The following SCG5 variants were observed in gnomAD, a reference collection of about 807,000 sequenced individuals.
SCG5 encodes secretogranin V.
Under a neutral mutation model 25.7 loss-of-function variants are expected in SCG5, and 18 were observed. The observed-to-expected ratio is 0.70, with a 90% CI of 0.48 to 1.04. The LOEUF (loss-of-function observed/expected upper bound fraction) is 1.04, where lower values mean the gene tolerates loss of function less well. Among genes scored for constraint, SCG5 ranks in the 50% least tolerant of loss-of-function variants. The pLI, the probability that SCG5 is intolerant of heterozygous loss-of-function variation, is 0.00. For missense variants in SCG5, 206 were observed against 259.8 expected (o/e 0.79, Z 1.42); for synonymous variants, 101 against 91.7 (o/e 1.10, Z -0.58).
At position 32,679,822 on chromosome 15, in the gene SCG5, GTGGCAGAGT is replaced by G; in HGVS notation, c.286_294del (p.Ala96_Leu98del). ...TCCTTTTGGCAACATCCCCAACATCGTGGCAGAGTTGACTGGAGACAACATTCCTAAGGA... is the reference window on the plus strand; with the variant it reads ...TCCTTTTGGCAACATCCCCAACATCGTGACTGGAGACAACATTCCTAAGGA... On this transcript the variant is annotated inframe_deletion, in exon 3 of 6. Coordinates refer to ENST00000300175, the MANE Select transcript of SCG5 (RefSeq NM_001144757.3). The G allele has an allele frequency of 6.2e-7, 1 of 1,613,914 alleles. No homozygotes were observed. Among genetic ancestry groups the G allele is most frequent in the Non-Finnish European group, 8.5e-7 (1 of 1,179,838 alleles).
At chr15:32,668,122 C>T (rs1202543907) in intron 2 of SCG5, among the ~76,000 whole-genome samples, 2 of 152,220 alleles carry the variant, frequency 1.3e-5, no homozygotes, top group Non-Finnish European at 2.9e-5. Flanking sequence ...CCAACGTACA[C>T]ACCACGTGCC....
At chr15:32,690,496 C>T (rs985513902) in intron 4 of SCG5, among the ~76,000 whole-genome samples, 7 of 152,164 alleles carry the variant, frequency 4.6e-5, no homozygotes, top group South Asian at 2.1e-4. Context: ...TTCTCCCTTC[C>T]GATATTAAAT....
In SCG5 at chr15:32,692,875, A is replaced by G. The variant is rs144029754; in HGVS notation, c.543+1112A>G. Among the ~76,000 whole-genome samples the G allele has an allele frequency of 9.1e-4, 138 of 152,330 alleles. 1 individual carries two copies. The highest frequency in any genetic ancestry group is 5.9e-4 in the Non-Finnish European group (40 of 68,036). The stretch of plus-strand genomic sequence containing the variant: ...GTTCCAAGCCCCTGTACTGCCTGAC[A>G]AAACACAGAAGACATACAGCAATTT... On this transcript the variant is annotated intron_variant, in intron 5 of 5. Transcript: ENST00000300175.
At chr15:32,696,473 A>G (rs2140625520) in intron 5 of SCG5, 41 bp from the exon 6 acceptor site, 4 of 1,413,456 alleles carry the variant, frequency 2.8e-6, no homozygotes, top group Non-Finnish European at 4.0e-6. Flanking sequence ...ATGTTCACAT[A>G]TAACACCAAA....
chr15:32,661,305 T>C (rs1470684515), intron 2 of SCG5, among the ~76,000 whole-genome samples: 1 of 152,182 alleles, frequency 6.6e-6, no homozygotes, highest in Non-Finnish European at 1.5e-5. Context: ...CCAGTGGCAT[T>C]TCCCCCATTT....
intron 2 of SCG5, among the ~76,000 whole-genome samples, chr15:32,671,859 C>T (rs971923135): frequency 6.6e-6 from 1 of 152,218 alleles, no homozygotes; most frequent in East Asian, 1.9e-4. Flanking sequence ...GGAGCCACCC[C>T]GCCCCTTCCT....
intron 2 of SCG5, among the ~76,000 whole-genome samples, chr15:32,656,523 G>A (rs1236070068): frequency 2.6e-5 from 4 of 152,228 alleles, no homozygotes; most frequent in Admixed American, 2.0e-4. Flanking sequence ...AGCTTTACGA[G>A]TTAAATGTCC....
At chr15:32,663,005 A>T (rs1430782028) in intron 2 of SCG5, among the ~76,000 whole-genome samples, 1 of 140,686 alleles carries the variant, frequency 7.1e-6, no homozygotes, top group Non-Finnish European at 1.5e-5. Flanking sequence ...AGCGGGGAAG[A>T]GAAGATTAGG....
chr15:32,673,527 CGTGTGTGTGTGTGTGT>C (rs55968956), intron 2 of SCG5, among the ~76,000 whole-genome samples: 51 of 134,944 alleles, frequency 3.8e-4, no homozygotes, highest in African/African-American at 1.4e-3. Context: ...ATAAGATCCC[CGTGTGTGTGTGTGTGT>C]GTGTGTGTGT....
intron 2 of SCG5, among the ~76,000 whole-genome samples, chr15:32,660,722 C>A (rs73371031): frequency 0.034 from 5,249 of 152,312 alleles, 352 homozygotes; most frequent in African/African-American, 0.12. Context: ...GACTGCAGGG[C>A]AGACCCCAAA....
intron 5 of SCG5, among the ~76,000 whole-genome samples, chr15:32,694,603 C>T (rs1314265522): frequency 6.6e-6 from 1 of 152,062 alleles, no homozygotes; most frequent in Non-Finnish European, 1.5e-5. Flanking sequence ...TGATATGATC[C>T]CCTGGGGTAG....
intron 2 of SCG5, among the ~76,000 whole-genome samples, chr15:32,670,629 G>A (rs1232124896): frequency 1.3e-5 from 2 of 152,192 alleles, no homozygotes; most frequent in African/African-American, 2.4e-5. Context: ...CCCATTATGG[G>A]AGACAAATTT....
intron 3 of SCG5, among the ~76,000 whole-genome samples, chr15:32,682,552 G>T (rs1399559957): frequency 6.6e-6 from 1 of 152,224 alleles, no homozygotes; most frequent in Non-Finnish European, 1.5e-5. Flanking sequence ...TGAGAGGACA[G>T]CAATCAAGCT....
At position 32,673,848 on chromosome 15, in the gene SCG5, C is replaced by T. The variant is rs2054485586; in HGVS notation, c.227-5918C>T. ...CCCCAAGTTCAAGTGATTCTCCTGC[C>T]TCAGCCTCCTGAGTAGTTGGGATTA... On this transcript the variant is annotated intron_variant, in intron 2 of 5. Transcript: ENST00000300175. Among the ~76,000 whole-genome samples the T allele has an allele frequency of 2.0e-5, 3 of 151,980 alleles. No homozygotes were observed. In the South Asian group the frequency reaches 6.2e-4, roughly 32 times the overall value.
Position 32,669,608 on chromosome 15 carries a change from A to G in SCG5, c.227-10158A>G, listed in dbSNP as rs756352597. ...ATACAAATTGCCAAGTTGAGACTTC[A>G]TTTCAGACGGCAAATAAAAGTTACA... On this transcript the variant is annotated intron_variant, in intron 2 of 5. Transcript: ENST00000300175. Among the ~76,000 whole-genome samples, 9 of 152,344 alleles carry G rather than the reference A, an allele frequency of 5.9e-5. 1 individual carries two copies. In the South Asian group the frequency reaches 1.0e-3, roughly 18 times the overall value.
At chr15:32,672,661 G>A (rs2054451730) in intron 2 of SCG5, among the ~76,000 whole-genome samples, 2 of 152,070 alleles carry the variant, frequency 1.3e-5, no homozygotes, top group Non-Finnish European at 2.9e-5. Flanking sequence ...TTTGGAAGAC[G>A]GAAACGCACT....
chr15:32,690,067 T>C (rs960355195), intron 4 of SCG5, among the ~76,000 whole-genome samples: 1 of 152,154 alleles, frequency 6.6e-6, no homozygotes, highest in Non-Finnish European at 1.5e-5. Flanking sequence ...GGTCTCGATC[T>C]CCTGACCTCG....
At chr15:32,659,134 C>T (rs571773105) in intron 2 of SCG5, among the ~76,000 whole-genome samples, 61 of 152,154 alleles carry the variant, frequency 4.0e-4, no homozygotes, top group South Asian at 1.7e-3. Flanking sequence ...CGAGATGGCG[C>T]CACTGCACTC....
In SCG5 at chr15:32,641,744, C is replaced by T. The variant is rs2053861926; in HGVS notation, c.-42C>T. ...GTTCCTGGCCTGACCCCCACCAAGG[C>T]CCATACCGCAGTAGGCTCCTCGGGC... On this transcript the variant is annotated 5_prime_UTR_variant, in exon 1 of 6. Transcript: ENST00000300175. The T allele has an allele frequency of 6.6e-6, 1 of 152,314 alleles. No individual in the cohort carries two copies. Among genetic ancestry groups the T allele is most frequent in the South Asian group, 2.1e-4 (1 of 4,828 alleles). The allele number at this position is 152,314 out of a possible 1,614,324, so 9.4% of individuals were successfully genotyped here.
Sources: gnomAD v4.1 joint callset for allele counts (sites outside exome capture counted in the v4.1 genomes callset) on GRCh38, gnomAD v4.1.1 for gene constraint, MANE v1.5 for transcripts, NCBI Gene and HGNC (gene_info 2026-07-23, HGNC 2026-07-21) for gene names.